CHD2: variants seen among roughly 807,000 people sequenced by gnomAD.
The protein encoded by CHD2 is ATP-dependent chromatin remodeler CHD2.
In CHD2, 28 loss-of-function variants were observed where a neutral mutation model predicts 243.9. The observed-to-expected ratio is 0.11, with a 90% CI of 0.09 to 0.16. The LOEUF (loss-of-function observed/expected upper bound fraction) is 0.16. Ranked by LOEUF, CHD2 falls within the 10% of genes least tolerant of loss-of-function variation. CHD2 has a pLI of 1.00. For synonymous variants in CHD2, 775 were observed against 779.0 expected (o/e 0.99, Z 0.09); for missense variants, 1,386 against 2,209.8 (o/e 0.63, Z 7.47).
intron 28 of CHD2, among the ~76,000 whole-genome samples, chr15:92,993,897 G>C (rs1333502272): frequency 6.6e-6 from 1 of 152,056 alleles, no homozygotes; most frequent in African/African-American, 2.4e-5. Flanking sequence ...GCAGTGAGTT[G>C]AGATCATGCC....
chr15:92,988,082 C>CT (rs61247385), intron 26 of CHD2, among the ~76,000 whole-genome samples: 327 of 146,724 alleles, frequency 2.2e-3, no homozygotes, highest in Middle Eastern at 0.011. Context: ...TTAGTTGTCT[C>CT]TTTTTTTTTT....
chr15:92,940,972 TATAAATATAA>T (rs1169620123), intron 7 of CHD2, among the ~76,000 whole-genome samples: 10 of 127,622 alleles, frequency 7.8e-5, no homozygotes, highest in African/African-American at 2.4e-4. Flanking sequence ...TAAATATAAA[TATAAATATAA>T]ATATATATAT....
At chr15:92,950,763 A>AG (rs2053543523) in intron 13 of CHD2, among the ~76,000 whole-genome samples, 1 of 151,888 alleles carries the variant, frequency 6.6e-6, no homozygotes, top group Non-Finnish European at 1.5e-5. Flanking sequence ...AAAAAAAAAA[A>AG]AAAGGACAGC....
chr15:93,020,135 A>G lies in CHD2; in HGVS notation c.5030A>G (p.Asp1677Gly). The change falls in exon 38 of 39, where the codon GAC becomes GGC. Residue 1677 changes from aspartate (D) to glycine (G), a missense_variant. Asp to Gly is a moderately conservative substitution (Grantham distance 94). Coordinates refer to ENST00000394196, the MANE Select transcript of CHD2 (RefSeq NM_001271.4). ...TGGTACAAGGACCACCATTATGGGG[A>G]CCGGCGACATATGGATGCCCACCGT... ...QHWYKDHHYG[D>G]RRHMDAHRSG... 1.9e-6 allele frequency: 3 copies of G among 1,614,080 alleles called. No individual in the cohort carries two copies. The highest frequency in any genetic ancestry group is 2.5e-6 in the Non-Finnish European group (3 of 1,179,998).
Position 92,955,590 on chromosome 15 carries a change from G to T in CHD2, c.1809+78G>T, listed in dbSNP as rs989682859. The T allele has an allele frequency of 3.5e-6, 3 of 847,442 alleles. No homozygotes were observed. The African/African-American group carries it at 5.4e-5, about 15-fold the overall frequency. 52.5% of individuals were successfully genotyped at this position (847,442 alleles called of 1,614,324 possible). ...ATGGTAGGGTCTGTTACTGTTCTGTGGAGCATGTTAGAAATAAATACTTGA... is the reference window on the plus strand; with the variant it reads ...ATGGTAGGGTCTGTTACTGTTCTGTTGAGCATGTTAGAAATAAATACTTGA... On this transcript the variant is annotated intron_variant, in intron 15 of 38. Transcript: ENST00000394196.
Position 93,020,112 on chromosome 15 carries a change from G to T in CHD2, c.5007G>T (p.Trp1669Cys). 6.2e-7 allele frequency: 1 copy of T among 1,614,120 alleles called. No individual in the cohort carries two copies. ...SDRHHQYEQH[W>C]YKDHHYGDRR... The stretch of plus-strand genomic sequence containing the variant: ...GGCACCATCAGTATGAGCAGCACTG[G>T]TACAAGGACCACCATTATGGGGACC... The change falls in exon 38 of 39, where the codon TGG (tryptophan) becomes TGT (cysteine). Residue 1669 changes from tryptophan to cysteine, a missense_variant. Around this residue, in one of 19 missense-constraint regions of CHD2, gnomAD observed 347 missense variants for 341.6 expected, o/e 1.02. Coordinates refer to ENST00000394196, the MANE Select transcript of CHD2 (RefSeq NM_001271.4).
chr15:92,928,886 A>G, intron 4 of CHD2, 144 bp from the exon 5 acceptor site: 1 of 607,018 alleles, frequency 1.6e-6, no homozygotes, highest in Non-Finnish European at 2.7e-6. Context: ...GAGTTCCACC[A>G]AGCAAGTGCT....
At chr15:93,020,529 A>C (rs747877510) in intron 38 of CHD2, 40 of 590,722 alleles carry the variant, frequency 6.8e-5, no homozygotes, top group East Asian at 1.7e-4. Context: ...TATTAGAGTC[A>C]ACAACCAAAA....
At chr15:92,931,344 C>G (rs1287222538) in intron 5 of CHD2, among the ~76,000 whole-genome samples, 1 of 152,064 alleles carries the variant, frequency 6.6e-6, no homozygotes. Flanking sequence ...ATACTTTACC[C>G]AGATTACCAT....
intron 2 of CHD2, chr15:92,902,121 T>C (rs1205260423): frequency 5.0e-6 from 2 of 397,706 alleles, no homozygotes; most frequent in Non-Finnish European, 8.9e-6. Flanking sequence ...AGATGTATTT[T>C]ATCCTCACAA....
rs904955493 is a variant in CHD2 at position 92,960,980 on chromosome 15, G to A, written c.2000+4331G>A. On this transcript the variant is annotated intron_variant, in intron 16 of 38. Coordinates refer to ENST00000394196, the MANE Select transcript of CHD2 (RefSeq NM_001271.4). ...TGATCTGCATCTGCCTGTCTCCGCC[G>A]CCTAAAGTGCTGGGATTACAGGCGT... Among the ~76,000 whole-genome samples, 4 of 151,890 alleles carry A rather than the reference G, an allele frequency of 2.6e-5. No homozygotes were observed. In the South Asian group the frequency reaches 6.2e-4, roughly 24 times the overall value.
intron 32 of CHD2, 133 bp downstream of exon 32, chr15:93,000,773 G>C (rs1047641886): frequency 1.0e-6 from 1 of 981,092 alleles, no homozygotes; most frequent in Non-Finnish European, 1.4e-6. Context: ...GTAAGTCTTC[G>C]CTTAATCTGT....
At chr15:92,955,806 A>C (rs2053611120) in intron 15 of CHD2, among the ~76,000 whole-genome samples, 1 of 152,212 alleles carries the variant, frequency 6.6e-6, no homozygotes. Flanking sequence ...GTTGAATTAA[A>C]CAGAATGAAA....
intron 10 of CHD2, 30 bp from the exon 11 acceptor site, chr15:92,945,791 A>G: frequency 6.9e-7 from 1 of 1,453,510 alleles, no homozygotes; most frequent in Non-Finnish European, 9.4e-7. Context: ...TGTGTTTATA[A>G]CTTTTCTGTC....
rs750059695 is a variant in CHD2, at chr15:92,997,146, A to T, written c.3734+51A>T. 7 of 1,603,544 alleles carry T rather than the reference A, an allele frequency of 4.4e-6. No homozygotes were observed. In the South Asian group the frequency reaches 7.9e-5, roughly 18 times the overall value. On this transcript the variant is annotated intron_variant, in intron 29 of 38. Coordinates refer to ENST00000394196, the MANE Select transcript of CHD2 (RefSeq NM_001271.4). The surrounding 1 kb of genome is among the most constrained non-coding windows in gnomAD (Gnocchi z 4.1). ...AGATGGTCGTACCGTAAGAAAATAG[A>T]TTTGAAGTTAGACTTTGTGTAGTTC...
chr15:92,902,095 T>C (rs2052536644), intron 2 of CHD2: 8 of 397,368 alleles, frequency 2.0e-5, no homozygotes, highest in Non-Finnish European at 3.1e-5. Context: ...GCTTAAGACA[T>C]TGATTTCCTG....
intron 5 of CHD2, among the ~76,000 whole-genome samples, chr15:92,937,196 CCTG>C (rs1359534483): frequency 6.6e-6 from 1 of 152,040 alleles, no homozygotes; most frequent in Non-Finnish European, 1.5e-5. Flanking sequence ...TTTAGGTGGT[CCTG>C]ATAACATTTT....
chr15:92,979,321 A>G (rs770970884), intron 22 of CHD2, 38 bp downstream of exon 22: 4 of 1,604,538 alleles, frequency 2.5e-6, no homozygotes, highest in South Asian at 2.2e-5. Context: ...GCAGAATCAA[A>G]TTGATTCTAC....
In CHD2 at chr15:93,009,342, T is replaced by A. The variant is rs767079703; in HGVS notation, c.4592+19T>A. On this transcript the variant is annotated intron_variant, in intron 35 of 38. Coordinates refer to ENST00000394196, the MANE Select transcript of CHD2 (RefSeq NM_001271.4). ...GGAGGAGGTAACCACTTTGGCCTCG[T>A]CTGCCCAGTTTGATTTGACTGAGTG... is the stretch of plus-strand genomic sequence containing the variant. 1 of 1,608,078 alleles carries A rather than the reference T, an allele frequency of 6.2e-7. No homozygotes were observed.
Sources: allele counts gnomAD v4.1 joint callset (sites outside exome capture counted in the v4.1 genomes callset), GRCh38; gene constraint gnomAD v4.1.1; regional missense constraint gnomAD v4.1.1; non-coding constraint Gnocchi (gnomAD v3.1); transcripts MANE v1.5; gene names NCBI Gene and HGNC (gene_info 2026-07-23, HGNC 2026-07-21).